The following TBL1XR1 variants were observed in gnomAD, a reference collection of about 807,000 sequenced individuals.
The protein encoded by TBL1XR1 is TBL1X/Y related 1, also known as F-box-like/WD repeat-containing protein TBL1XR1.
A neutral mutation model predicts 66.9 loss-of-function variants in TBL1XR1; 5 were observed. The observed-to-expected ratio is 0.07, with a 90% CI of 0.04 to 0.16. The LOEUF is 0.16. Ranked by LOEUF, TBL1XR1 falls within the 10% of genes least tolerant of loss-of-function variation. The pLI is 1.00. For synonymous variants in TBL1XR1, 210 were observed against 206.0 expected, an observed-to-expected ratio of 1.02 and a Z score of -0.17; for missense variants, 238 against 623.2, an observed-to-expected ratio of 0.38 and a Z score of 6.58.
At chr3:177,190,913 T>C (rs1048964123) in intron 1 of TBL1XR1, among the ~76,000 whole-genome samples, 4 of 152,022 alleles carry the variant, frequency 2.6e-5, no homozygotes, top group Non-Finnish European at 4.4e-5. Flanking sequence ...AACAAAACAA[T>C]AAACAGTTAT....
chr3:177,086,122 A>C (rs564930581), intron 2 of TBL1XR1, among the ~76,000 whole-genome samples: 67 of 151,374 alleles, frequency 4.4e-4, no homozygotes, highest in African/African-American at 1.3e-3. Flanking sequence ...AGCCAAGTCC[A>C]CACACGTAAG....
At chr3:177,184,983 A>G (rs192466013) in intron 1 of TBL1XR1, among the ~76,000 whole-genome samples, 12 of 152,322 alleles carry the variant, frequency 7.9e-5, no homozygotes, top group Admixed American at 4.6e-4. Context: ...GCACAGGAGA[A>G]ATTAACATCA....
intron 2 of TBL1XR1, among the ~76,000 whole-genome samples, chr3:177,066,614 A>C (rs1719198271): frequency 6.6e-6 from 1 of 152,232 alleles, no homozygotes. Context: ...ACTATAAAGA[A>C]GCTAGATTGG....
chr3:177,107,522 T>C (rs1258181604), intron 1 of TBL1XR1, among the ~76,000 whole-genome samples: 1 of 152,208 alleles, frequency 6.6e-6, no homozygotes, highest in Non-Finnish European at 1.5e-5. Flanking sequence ...TGGAATATTC[T>C]TAATTCTGGA....
chr3:177,078,410 CA>C (rs879536195), intron 2 of TBL1XR1, among the ~76,000 whole-genome samples: 67 of 138,466 alleles, frequency 4.8e-4, no homozygotes, highest in Admixed American at 5.7e-4. Flanking sequence ...CCAGGATCTA[CA>C]AAAAAAAAAA....
chr3:177,147,690 T>C (rs1422614442), intron 1 of TBL1XR1, among the ~76,000 whole-genome samples: 1 of 152,192 alleles, frequency 6.6e-6, no homozygotes, highest in African/African-American at 2.4e-5. Flanking sequence ...AAATCATTCA[T>C]GCAATGGCTC....
At chr3:177,154,684 C>T (rs1057192425) in intron 1 of TBL1XR1, among the ~76,000 whole-genome samples, 1 of 152,018 alleles carries the variant, frequency 6.6e-6, no homozygotes, top group Non-Finnish European at 1.5e-5. Context: ...CATGAGCCAC[C>T]GCGCCCGGCC....
chr3:177,115,087 T>C (rs1681651), intron 1 of TBL1XR1, among the ~76,000 whole-genome samples: 77,500 of 151,934 alleles, frequency 0.51, 20,169 homozygotes, highest in East Asian at 0.73. Context: ...CACAGTGCCA[T>C]GGGCAGGATG....
In TBL1XR1 at chr3:177,187,267, G is replaced by A. The variant is rs531333944; in HGVS notation, c.-122+9854C>T. ...AAATTAGCCATGTGTGGTGGCGGGC[G>A]CCTGCAATCCCAGCTGCTCGGGAGA... On this transcript the variant is annotated intron_variant, in intron 1 of 15. Coordinates refer to ENST00000457928, the MANE Select transcript of TBL1XR1 (RefSeq NM_024665.7). Among the ~76,000 whole-genome samples the A allele has an allele frequency of 1.3e-4, 19 of 149,796 alleles. No individual in the cohort carries two copies. The South Asian group carries it at 1.5e-3, about 12-fold the overall frequency.
At position 177,060,148 on chromosome 3, in the gene TBL1XR1, TCTTTA is replaced by T. The variant is rs538570614; in HGVS notation, c.58+4767_58+4771del. On this transcript the variant is annotated intron_variant, in intron 3 of 15. Coordinates refer to ENST00000457928, the MANE Select transcript of TBL1XR1 (RefSeq NM_024665.7). ...CAACTTGCAGACAGCCTATTGTGGG[TCTTTA>T]CTTTGTGATTGTGTGAGTCAATTCC... Among the ~76,000 whole-genome samples the T allele has an allele frequency of 6.0e-4, 92 of 152,232 alleles. 1 individual carries two copies. Among genetic ancestry groups the T allele is most frequent in the African/African-American group, 3.9e-4 (16 of 41,552 alleles).
upstream of TBL1XR1, among the ~76,000 whole-genome samples, chr3:177,197,675 G>A (rs1737070511): frequency 7.1e-6 from 1 of 139,994 alleles, no homozygotes; most frequent in African/African-American, 2.6e-5. Context: ...GCGGGGGAGG[G>A]GCGCCGCGGA....
At chr3:177,166,916 G>T (rs1462894747) in intron 1 of TBL1XR1, among the ~76,000 whole-genome samples, 2 of 152,168 alleles carry the variant, frequency 1.3e-5, no homozygotes, top group African/African-American at 4.8e-5. Flanking sequence ...AAATGGTACC[G>T]CCACTTTGGG....
chr3:177,031,598 T>TG (rs1053525354), intron 14 of TBL1XR1, among the ~76,000 whole-genome samples: 28 of 148,806 alleles, frequency 1.9e-4, no homozygotes, highest in Non-Finnish European at 3.7e-4. Flanking sequence ...CCCAAAGTGC[T>TG]GGGATTACAG....
chr3:177,031,052 C>T (rs1006802930), intron 14 of TBL1XR1, among the ~76,000 whole-genome samples: 9 of 152,232 alleles, frequency 5.9e-5, no homozygotes, highest in Admixed American at 5.9e-4. Context: ...GTGGAGGTTG[C>T]AGTTAGCCGA....
At chr3:177,050,412 C>A in intron 6 of TBL1XR1, 66 bp downstream of exon 6, 1 of 1,564,718 alleles carries the variant, frequency 6.4e-7, no homozygotes, top group Non-Finnish European at 8.7e-7. Context: ...CTGAATAATG[C>A]ATATGTTTAT....
intron 2 of TBL1XR1, chr3:177,078,574 T>TGA (rs1188226144): frequency 7.1e-6 from 1 of 140,382 alleles, no homozygotes; most frequent in African/African-American, 2.7e-5. Flanking sequence ...GGCGAAAGAG[T>TGA]GAGACCCCCA....
At chr3:177,068,758 T>C (rs992985885) in intron 2 of TBL1XR1, among the ~76,000 whole-genome samples, 4 of 152,154 alleles carry the variant, frequency 2.6e-5, no homozygotes, top group African/African-American at 9.7e-5. Flanking sequence ...TGATCCTCGA[T>C]TACATAATTT....
In TBL1XR1 at chr3:177,164,350, AT is replaced by A. The variant is rs34088456; in HGVS notation, c.-122+32770del. On this transcript the variant is annotated intron_variant, in intron 1 of 15. Coordinates refer to ENST00000457928, the MANE Select transcript of TBL1XR1 (RefSeq NM_024665.7). ...ATTTACACATCACTCCCTATTTTCAATTTTTTTTTTTTTTTTGAAATGTGGA... is the reference window on the plus strand; with the variant it reads ...ATTTACACATCACTCCCTATTTTCAATTTTTTTTTTTTTTTGAAATGTGGA... Among the ~76,000 whole-genome samples, 1,268 of 142,690 alleles carry A rather than the reference AT, an allele frequency of 8.9e-3. 18 individuals are homozygous for A. The highest frequency in any genetic ancestry group is 0.026 in the African/African-American group (1,019 of 38,944). 93.6% of individuals were successfully genotyped at this position (142,690 alleles called of 152,430 possible).
chr3:177,025,510 G>T lies in TBL1XR1; in HGVS notation c.1533C>A (p.Asp511Glu), dbSNP rs1032046028. ...CCAACTAGTAGCGCTATTTCCGAAG[G>T]TCTAATACACAAACCTGTAAGAAAT... The part of the protein sequence containing the change: ...SASDGSVCVL[D>E]LRK Residue 511 changes from aspartate to glutamate, a missense_variant, in exon 16 of 16, where the codon GAC becomes GAA. Transcript: ENST00000457928. 6.8e-6 allele frequency: 11 copies of T among 1,612,516 alleles called. No homozygotes were observed. The highest frequency in any genetic ancestry group is 9.3e-6 in the Non-Finnish European group (11 of 1,179,460).
Sources: allele counts gnomAD v4.1 joint callset (sites outside exome capture counted in the v4.1 genomes callset), GRCh38; gene constraint gnomAD v4.1.1; transcripts MANE v1.5; gene names NCBI Gene and HGNC (gene_info 2026-07-23, HGNC 2026-07-21).